Variants in ADGRV1 observed in about 807,000 individuals in gnomAD.
The protein encoded by ADGRV1 is adhesion G protein-coupled receptor V1, also known as G-protein coupled receptor 98.
A neutral mutation model predicts 596.2 loss-of-function variants in ADGRV1; 359 were observed. The observed-to-expected ratio is 0.60, with a 90% CI of 0.55 to 0.66. The LOEUF (loss-of-function observed/expected upper bound fraction) is 0.66, where lower values mean the gene tolerates loss of function less well. ADGRV1 is among the 30% of genes least tolerant of loss of function. The pLI, the probability that ADGRV1 is intolerant of heterozygous loss-of-function variation, is 0.00. For synonymous variants in ADGRV1, 2,681 were observed against 2,679.2 expected, an observed-to-expected ratio of 1.00 and a Z score of -0.02; for missense variants, 7,274 against 7,575.6, an observed-to-expected ratio of 0.96 and a Z score of 1.48.
intron 83 of ADGRV1, among the ~76,000 whole-genome samples, chr5:90,961,163 A>G (rs970308539): frequency 2.0e-5 from 3 of 152,048 alleles, no homozygotes; most frequent in Admixed American, 1.3e-4. Flanking sequence ...GGTATCTGCC[A>G]TGATCAGAGT....
At chr5:90,782,469 A>G (rs1758952701) in intron 65 of ADGRV1, among the ~76,000 whole-genome samples, 1 of 152,132 alleles carries the variant, frequency 6.6e-6, no homozygotes, top group Non-Finnish European at 1.5e-5. Flanking sequence ...TATTTATAAT[A>G]TACATTGAGT....
intron 81 of ADGRV1, among the ~76,000 whole-genome samples, chr5:90,854,446 C>T (rs747852117): frequency 9.9e-5 from 15 of 152,168 alleles, no homozygotes; most frequent in Admixed American, 2.0e-4. Context: ...ACTACTTTCA[C>T]GGGATGTGGC....
chr5:90,851,134 T>TGTGAGAGAGAGAGAGAGAGA (rs757909771), intron 79 of ADGRV1, among the ~76,000 whole-genome samples: 1 of 81,448 alleles, frequency 1.2e-5, no homozygotes, highest in Admixed American at 1.9e-4. Flanking sequence ...TGTGTGTGTG[T>TGTGAGAGAGAGAGAGAGAGA]GAGAGAGAGA....
In ADGRV1 at chr5:90,766,063, C is replaced by T. The variant is rs1173732427; in HGVS notation, c.12285+2594C>T. Among the ~76,000 whole-genome samples the T allele has an allele frequency of 3.3e-5, 5 of 152,196 alleles. No homozygotes were observed. The South Asian group carries it at 8.3e-4, about 25-fold the overall frequency. ...TAGCTGGGACTACAGGCGCCCGCCACCACACCTGGCTAATTTTTTGTATTT... is the reference window on the plus strand; with the variant it reads ...TAGCTGGGACTACAGGCGCCCGCCATCACACCTGGCTAATTTTTTGTATTT... On this transcript the variant is annotated intron_variant, in intron 59 of 89. Coordinates refer to ENST00000405460, the MANE Select transcript of ADGRV1 (RefSeq NM_032119.4).
chr5:90,847,564 G>A (rs1262049861), intron 78 of ADGRV1, among the ~76,000 whole-genome samples: 1 of 152,202 alleles, frequency 6.6e-6, no homozygotes, highest in Non-Finnish European at 1.5e-5. Flanking sequence ...CCCTGGAGCA[G>A]GGGGAGGTGC....
chr5:90,953,063 A>G (rs1407424938), intron 83 of ADGRV1, among the ~76,000 whole-genome samples: 1 of 152,290 alleles, frequency 6.6e-6, no homozygotes, highest in East Asian at 1.9e-4. Context: ...ACTGGTATTA[A>G]CAGAAATATT....
intron 85 of ADGRV1, among the ~76,000 whole-genome samples, chr5:91,061,657 A>C (rs1257618722): frequency 6.6e-6 from 1 of 152,196 alleles, no homozygotes; most frequent in Non-Finnish European, 1.5e-5. Context: ...TTCTTTCCTC[A>C]ATCTTTTCAA....
intron 83 of ADGRV1, among the ~76,000 whole-genome samples, chr5:90,866,107 A>G (rs1446794662): frequency 6.6e-6 from 1 of 152,090 alleles, no homozygotes; most frequent in Non-Finnish European, 1.5e-5. Flanking sequence ...TTCATTTTCA[A>G]ATCTTTATTA....
chr5:90,973,265 C>G (rs930989852), intron 84 of ADGRV1, among the ~76,000 whole-genome samples: 1 of 152,116 alleles, frequency 6.6e-6, no homozygotes, highest in Admixed American at 6.5e-5. Context: ...TCGAATTCTA[C>G]CAGAGGTACA....
At chr5:90,762,353 A>G (rs1756600704) in intron 58 of ADGRV1, among the ~76,000 whole-genome samples, 1 of 152,150 alleles carries the variant, frequency 6.6e-6, no homozygotes, top group Admixed American at 6.5e-5. Flanking sequence ...AAATAAGATA[A>G]GGTATATGTA....
At chr5:90,825,793 A>G (rs747986040) in intron 76 of ADGRV1, 10 of 152,198 alleles carry the variant, frequency 6.6e-5, no homozygotes, top group African/African-American at 1.2e-4. Flanking sequence ...TGCTAACTGT[A>G]TATATTTGTT....
At chr5:90,640,349 T>C (rs1442415219) in intron 11 of ADGRV1, among the ~76,000 whole-genome samples, 1 of 152,246 alleles carries the variant, frequency 6.6e-6, no homozygotes, top group Non-Finnish European at 1.5e-5. Context: ...GATATAGGTA[T>C]AGATTTCTCT....
intron 83 of ADGRV1, among the ~76,000 whole-genome samples, chr5:90,947,227 C>G (rs532926324): frequency 6.6e-6 from 1 of 152,142 alleles, no homozygotes; most frequent in Non-Finnish European, 1.5e-5. Flanking sequence ...TTGCATTTCT[C>G]TAACAATCAG....
At chr5:90,739,564 C>G (rs1426461885) in intron 50 of ADGRV1, among the ~76,000 whole-genome samples, 1 of 152,162 alleles carries the variant, frequency 6.6e-6, no homozygotes. Context: ...GACCTGGGAT[C>G]AAATGGAAGT....
rs368806892 is a variant in ADGRV1 at position 90,694,275 on chromosome 5, A to G, written c.7519A>G (p.Thr2507Ala). 2.4e-5 allele frequency: 39 copies of G among 1,613,862 alleles called. No homozygotes were observed. In the African/African-American group the frequency reaches 4.0e-4, roughly 17 times the overall value. Residue 2507 changes from threonine (T) to alanine (A), a missense_variant, in exon 33 of 90, where the codon ACA becomes GCA. This residue lies in a region of ADGRV1 where 3,643 missense variants were observed against 3,809.2 expected (regional missense o/e 0.96). Transcript: ENST00000405460. The stretch of plus-strand genomic sequence containing the variant: ...GGCTGGGAGTGACTATGAGCCTGTG[A>G]CAAGGCAATGGGCCATAATGCAGGA... ...AVAGSDYEPV[T>A]RQWAIMQEGD...
At chr5:90,592,755 AAAAC>A (rs1343963449) in intron 1 of ADGRV1, among the ~76,000 whole-genome samples, 2 of 152,212 alleles carry the variant, frequency 1.3e-5, no homozygotes, top group African/African-American at 4.8e-5. Flanking sequence ...TCACAAGGAA[AAAAC>A]AAACAACCCC....
chr5:90,951,120 T>C (rs1347788717), intron 83 of ADGRV1, among the ~76,000 whole-genome samples: 2 of 152,180 alleles, frequency 1.3e-5, no homozygotes, highest in African/African-American at 2.4e-5. Flanking sequence ...ATCTAGATGG[T>C]CCTCTCTTTC....
rs1765378992 is a variant in ADGRV1 at position 90,841,005 on chromosome 5, A to G, written c.17019+20A>G. On this transcript the variant is annotated intron_variant, in intron 78 of 89. Coordinates refer to ENST00000405460, the MANE Select transcript of ADGRV1 (RefSeq NM_032119.4). ...GAAAAGGTAAGTTTTTGTGAATATT[A>G]GTAATTTGTTTAGTGAAATTTTGTA... The G allele has an allele frequency of 2.8e-6, 4 of 1,411,052 alleles. No individual in the cohort carries two copies. The African/African-American group carries it at 5.7e-5, about 20-fold the overall frequency. The allele number at this position is 1,411,052 out of a possible 1,614,324, so 87.4% of individuals were successfully genotyped here.
At position 90,757,043 on chromosome 5, in the gene ADGRV1, T is replaced by C. The variant is rs569877932; in HGVS notation, c.11822T>C (p.Val3941Ala). ...CCCTTGAACGTTCTTCAAGTTCCTG[T>C]AGTCCGGCTGGCTGGAAGCTTTGGG... Reference protein sequence around the residue: ...PPPLNVLQVPVVRLAGSFGAV... With the variant: ...PPPLNVLQVPAVRLAGSFGAV... Residue 3941 changes from valine (V) to alanine (A), a missense_variant, in exon 57 of 90, where the codon GTA becomes GCA. Coordinates refer to ENST00000405460, the MANE Select transcript of ADGRV1 (RefSeq NM_032119.4). 5 of 1,613,930 alleles carry C rather than the reference T, an allele frequency of 3.1e-6. No individual in the cohort carries two copies. Among genetic ancestry groups the C allele is most frequent in the South Asian group, 1.1e-5 (1 of 91,078 alleles).
Sources: gnomAD v4.1 joint callset for allele counts (sites outside exome capture counted in the v4.1 genomes callset) on GRCh38, gnomAD v4.1.1 for gene constraint, gnomAD v4.1.1 regional missense constraint, MANE v1.5 for transcripts, NCBI Gene and HGNC (gene_info 2026-07-23, HGNC 2026-07-21) for gene names.